Variants in JPH3 observed in about 807,000 individuals in gnomAD.
JPH3 encodes the protein junctophilin-3.
JPH3 carries 11 observed loss-of-function variants against 59.6 expected under a neutral mutation model. That is an observed-to-expected ratio of 0.18 (90% CI 0.12 to 0.31). The LOEUF (loss-of-function observed/expected upper bound fraction) is 0.31, where lower values mean the gene tolerates loss of function less well. Among genes scored for constraint, JPH3 ranks in the 10% least tolerant of loss-of-function variants. The probability of loss-of-function intolerance (pLI) is 1.00; values close to 1 mark genes in which losing one functional copy is unlikely to be tolerated. For synonymous variants in JPH3, 673 were observed against 483.6 expected, an observed-to-expected ratio of 1.39 and a Z score of -5.14; for missense variants, 1,202 against 1,105.7, an observed-to-expected ratio of 1.09 and a Z score of -1.24.
rs2033858709 is a variant in JPH3 at position 87,696,441 on chromosome 16, A to G, written c.2167-139A>G. The G allele has an allele frequency of 4.3e-6, 3 of 704,926 alleles. No individual in the cohort carries two copies. The South Asian group carries it at 4.9e-5, about 11-fold the overall frequency. The allele number at this position is 704,926 out of a possible 1,614,324, so 43.7% of individuals were successfully genotyped here. A position where few individuals can be genotyped will look rare whatever the true frequency, so the allele number is the denominator to read the frequency against. ...AGGTTCTGGTGGGCCTTTGGTGTCC[A>G]AGCGTTTCTAACATCCTCCCGTACG... is the stretch of plus-strand genomic sequence containing the variant. On this transcript the variant is annotated intron_variant, in intron 4 of 4. Coordinates refer to ENST00000284262, the MANE Select transcript of JPH3 (RefSeq NM_020655.4).
At chr16:87,664,211 G>C (rs1183542101) in intron 2 of JPH3, among the ~76,000 whole-genome samples, 1 of 150,766 alleles carries the variant, frequency 6.6e-6, no homozygotes, top group African/African-American at 2.4e-5. Context: ...GGCGCCTGTA[G>C]TCCCAGCTAC....
intron 2 of JPH3, among the ~76,000 whole-genome samples, chr16:87,662,425 A>ATTT (rs34067871): frequency 0.024 from 3,625 of 148,528 alleles, 136 homozygotes; most frequent in African/African-American, 0.083. Flanking sequence ...CTCGCGTCTG[A>ATTT]TTTTTTTTTT....
intron 2 of JPH3, among the ~76,000 whole-genome samples, chr16:87,679,126 C>G (rs1272470454): frequency 6.6e-6 from 1 of 152,192 alleles, no homozygotes; most frequent in Non-Finnish European, 1.5e-5. Flanking sequence ...CCCCAGCTGG[C>G]CAGGCTCAGC....
intron 2 of JPH3, among the ~76,000 whole-genome samples, chr16:87,649,811 G>A (rs555632893): frequency 5.3e-5 from 8 of 152,292 alleles, no homozygotes; most frequent in African/African-American, 1.9e-4. Flanking sequence ...TGACCCATTG[G>A]CTGCTTCTGC....
At chr16:87,634,134 C>T (rs138787740) in intron 1 of JPH3, among the ~76,000 whole-genome samples, 1 of 152,146 alleles carries the variant, frequency 6.6e-6, no homozygotes, top group African/African-American at 2.4e-5. Flanking sequence ...GGGGGCCACC[C>T]GTGGAGAAAG....
chr16:87,645,797 T>G (rs1207209421), intron 2 of JPH3, among the ~76,000 whole-genome samples: 7 of 151,872 alleles, frequency 4.6e-5, no homozygotes, highest in Non-Finnish European at 1.0e-4. Context: ...CAGGGGCTGG[T>G]CCCCGCCAAG....
At chr16:87,658,084 C>T (rs568214365) in intron 2 of JPH3, among the ~76,000 whole-genome samples, 1 of 152,304 alleles carries the variant, frequency 6.6e-6, no homozygotes, top group Non-Finnish European at 1.5e-5. Flanking sequence ...CCGGAAGGCA[C>T]CATGCGGCCC....
chr16:87,679,145 C>T (rs2033223210), intron 2 of JPH3, among the ~76,000 whole-genome samples: 1 of 152,226 alleles, frequency 6.6e-6, no homozygotes, highest in Non-Finnish European at 1.5e-5. Flanking sequence ...GCTGAGAGCT[C>T]CTCGACCTCC....
At chr16:87,646,894 T>TG (rs1192130435) in intron 2 of JPH3, among the ~76,000 whole-genome samples, 4 of 152,106 alleles carry the variant, frequency 2.6e-5, no homozygotes, top group Non-Finnish European at 4.4e-5. Flanking sequence ...TCTGTAGGAC[T>TG]GGGGGGACCT....
At chr16:87,636,586 G>A (rs2150839202) in intron 1 of JPH3, among the ~76,000 whole-genome samples, 1 of 152,346 alleles carries the variant, frequency 6.6e-6, no homozygotes. Context: ...CCTCTGCTGT[G>A]GGGTGATGAG....
At chr16:87,610,292 T>C (rs1356872301) in intron 1 of JPH3, among the ~76,000 whole-genome samples, 1 of 152,220 alleles carries the variant, frequency 6.6e-6, no homozygotes, top group Non-Finnish European at 1.5e-5. Flanking sequence ...CAGCCACATT[T>C]CACGGGCTCA....
chr16:87,680,324 G>A (rs530658339), intron 2 of JPH3, among the ~76,000 whole-genome samples: 79 of 152,348 alleles, frequency 5.2e-4, no homozygotes, highest in Non-Finnish European at 9.3e-4. Context: ...CGATGGCCAG[G>A]GATGAAGGGC....
chr16:87,608,337 A>G (rs577666221), intron 1 of JPH3, among the ~76,000 whole-genome samples: 1 of 152,350 alleles, frequency 6.6e-6, no homozygotes, highest in South Asian at 2.1e-4. Flanking sequence ...ATAATGTTGA[A>G]TGTAACGCCC....
Position 87,632,108 on chromosome 16 carries a change from G to C in JPH3, c.383-12150G>C, listed in dbSNP as rs76550979. ...GTACGAAAAAGCTGAGTGGAAACTT[G>C]TGTGTGTGGCAGCCTTCGCTTCTGG... On this transcript the variant is annotated intron_variant, in intron 1 of 4. Transcript: ENST00000284262. Among the ~76,000 whole-genome samples the C allele has an allele frequency of 4.7e-3, 710 of 152,258 alleles. 7 individuals carry two copies. Among genetic ancestry groups the C allele is most frequent in the African/African-American group, 0.016 (685 of 41,526 alleles).
intron 1 of JPH3, among the ~76,000 whole-genome samples, chr16:87,637,451 GAAGGCT>G: frequency 6.8e-6 from 1 of 147,632 alleles, no homozygotes; most frequent in African/African-American, 2.7e-5. Flanking sequence ...TGTTTTAAAT[GAAGGCT>G]TGTGGTACGG....
At chr16:87,620,590 G>C (rs1041465362) in intron 1 of JPH3, among the ~76,000 whole-genome samples, 1 of 151,996 alleles carries the variant, frequency 6.6e-6, no homozygotes, top group South Asian at 2.1e-4. Context: ...TGGGGGGGAC[G>C]TGCGTTGTTC....
intron 2 of JPH3, among the ~76,000 whole-genome samples, chr16:87,676,826 A>G (rs1156503163): frequency 6.6e-6 from 1 of 151,582 alleles, no homozygotes; most frequent in African/African-American, 2.4e-5. Context: ...ACATGAGGTC[A>G]GGAGTTCAAG....
chr16:87,688,256 C>T (rs1762898138), intron 3 of JPH3, among the ~76,000 whole-genome samples: 1 of 152,200 alleles, frequency 6.6e-6, no homozygotes, highest in African/African-American at 2.4e-5. Context: ...CCCAGAGCTA[C>T]CCAGCTGTGC....
rs144198044 is a variant in JPH3 at position 87,676,378 on chromosome 16, G to C, written c.1161-7764G>C. 5.6e-3 allele frequency among the ~76,000 whole-genome samples: 852 copies of C among 152,268 alleles called. 8 individuals carry two copies. The highest frequency in any genetic ancestry group is 0.019 in the African/African-American group (804 of 41,544). ...TGCATTAAGTGGCTCTGTGACTTCAGACTCTTCTTCAGGTTTACGGTATAT... is the reference window on the plus strand; with the variant it reads ...TGCATTAAGTGGCTCTGTGACTTCACACTCTTCTTCAGGTTTACGGTATAT... On this transcript the variant is annotated intron_variant, in intron 2 of 4. Coordinates refer to ENST00000284262, the MANE Select transcript of JPH3 (RefSeq NM_020655.4).
Sources: gnomAD v4.1 joint callset for allele counts (sites outside exome capture counted in the v4.1 genomes callset) on GRCh38, gnomAD v4.1.1 for gene constraint, MANE v1.5 for transcripts, NCBI Gene and HGNC (gene_info 2026-07-23, HGNC 2026-07-21) for gene names.